The following DCLK1 variants were observed in gnomAD, a reference collection of about 807,000 sequenced individuals.
DCLK1 encodes the protein serine/threonine-protein kinase DCLK1.
A neutral mutation model predicts 86.2 loss-of-function variants in DCLK1; 16 were observed. That is an observed-to-expected ratio of 0.19 (90% CI 0.13 to 0.28). The LOEUF is 0.28. DCLK1 is among the 10% of genes least tolerant of loss of function. The pLI, the probability that DCLK1 is intolerant of heterozygous loss-of-function variation, is 1.00. For missense variants in DCLK1, 590 were observed against 940.2 expected, an observed-to-expected ratio of 0.63 and a Z score of 4.87; for synonymous variants, 369 against 370.5, an observed-to-expected ratio of 1.00 and a Z score of 0.05.
At chr13:36,077,098 C>T (rs1010137937) in intron 3 of DCLK1, among the ~76,000 whole-genome samples, 1 of 152,106 alleles carries the variant, frequency 6.6e-6, no homozygotes, top group Non-Finnish European at 1.5e-5. Context: ...ATCAATACCT[C>T]CCCAAGCACT....
chr13:35,827,592 C>T (rs41292215), intron 10 of DCLK1, 43 bp downstream of exon 10: 16,731 of 1,609,032 alleles, frequency 0.01, 121 homozygotes, highest in Admixed American at 0.015. Context: ...TAGGCAAGTG[C>T]GGTGCCATCA....
At chr13:35,865,812 T>C (rs1395438088) in intron 5 of DCLK1, among the ~76,000 whole-genome samples, 3 of 152,214 alleles carry the variant, frequency 2.0e-5, no homozygotes, top group African/African-American at 7.2e-5. Context: ...ATTCTTGTTC[T>C]AATGCTGACT....
intron 4 of DCLK1, among the ~76,000 whole-genome samples, chr13:35,924,404 C>T (rs1593737403): frequency 6.6e-6 from 1 of 152,200 alleles, no homozygotes; most frequent in South Asian, 2.1e-4. Context: ...AATCCCAGCA[C>T]TTTCGGAGGC....
At chr13:35,810,574 G>A (rs2087121575) in intron 12 of DCLK1, among the ~76,000 whole-genome samples, 2 of 152,146 alleles carry the variant, frequency 1.3e-5, no homozygotes, top group South Asian at 4.1e-4. Context: ...TTTTTACTCT[G>A]GGGTTAATAA....
intron 4 of DCLK1, among the ~76,000 whole-genome samples, chr13:35,889,844 T>C (rs1873527928): frequency 6.6e-6 from 1 of 152,178 alleles, no homozygotes; most frequent in Non-Finnish European, 1.5e-5. Context: ...CAGACTATCA[T>C]AGCCATGTAA....
chr13:36,006,672 C>T (rs1166601237), intron 3 of DCLK1, among the ~76,000 whole-genome samples: 1 of 152,168 alleles, frequency 6.6e-6, no homozygotes, highest in Non-Finnish European at 1.5e-5. Flanking sequence ...GTCTGAGAAA[C>T]TGATTCGCAA....
At chr13:35,803,727 C>G (rs1258090873) in intron 15 of DCLK1, among the ~76,000 whole-genome samples, 1 of 152,046 alleles carries the variant, frequency 6.6e-6, no homozygotes, top group Non-Finnish European at 1.5e-5. Flanking sequence ...GAAAACAAAA[C>G]AAAACAAATC....
chr13:35,953,608 AC>A (rs773310055), intron 3 of DCLK1, among the ~76,000 whole-genome samples: 5 of 152,174 alleles, frequency 3.3e-5, no homozygotes, highest in Non-Finnish European at 5.9e-5. Flanking sequence ...AGGAAACAAA[AC>A]GCTACAGACA....
intron 3 of DCLK1, among the ~76,000 whole-genome samples, chr13:36,059,332 T>C (rs899867107): frequency 6.6e-6 from 1 of 152,174 alleles, no homozygotes. Context: ...CATAGTAATA[T>C]AAACACACAC....
intron 4 of DCLK1, among the ~76,000 whole-genome samples, chr13:35,910,494 T>C (rs2153124569): frequency 6.6e-6 from 1 of 152,384 alleles, no homozygotes; most frequent in Non-Finnish European, 1.5e-5. Flanking sequence ...TGAATATTTC[T>C]TTCCCTTTTT....
At chr13:36,073,049 G>A (rs746025547) in intron 3 of DCLK1, among the ~76,000 whole-genome samples, 1 of 152,118 alleles carries the variant, frequency 6.6e-6, no homozygotes, top group Non-Finnish European at 1.5e-5. Context: ...ATTCTCTACT[G>A]TACCACTTAC....
At chr13:36,117,174 A>G (rs1237707382) in intron 2 of DCLK1, among the ~76,000 whole-genome samples, 1 of 151,770 alleles carries the variant, frequency 6.6e-6, no homozygotes, top group Non-Finnish European at 1.5e-5. Flanking sequence ...GAAAAAAAAA[A>G]TGAGAGATCT....
intron 3 of DCLK1, among the ~76,000 whole-genome samples, chr13:36,077,879 C>T (rs2153162949): frequency 6.6e-6 from 1 of 152,324 alleles, no homozygotes; most frequent in Middle Eastern, 3.4e-3. Flanking sequence ...TGTGCAATGT[C>T]ATGAACATTA....
intron 5 of DCLK1, among the ~76,000 whole-genome samples, chr13:35,863,963 G>A (rs1031549201): frequency 6.6e-6 from 1 of 152,204 alleles, no homozygotes; most frequent in Non-Finnish European, 1.5e-5. Context: ...AAGGCTGGGT[G>A]TTCAGAATGG....
At chr13:35,979,995 T>G (rs1879553152) in intron 3 of DCLK1, among the ~76,000 whole-genome samples, 1 of 152,258 alleles carries the variant, frequency 6.6e-6, no homozygotes, top group Non-Finnish European at 1.5e-5. Flanking sequence ...TTTTATTTTT[T>G]GTTTCCATAG....
At chr13:35,836,880 T>C (rs1026101950) in intron 7 of DCLK1, among the ~76,000 whole-genome samples, 14 of 152,180 alleles carry the variant, frequency 9.2e-5, no homozygotes, top group Admixed American at 1.3e-4. Context: ...TCTAAGGCCA[T>C]AAAACTAAAT....
At chr13:35,936,488 T>C (rs1876755227) in intron 4 of DCLK1, among the ~76,000 whole-genome samples, 1 of 152,218 alleles carries the variant, frequency 6.6e-6, no homozygotes, top group Admixed American at 6.5e-5. Context: ...AGAAAGCAGA[T>C]CTATGAGAAG....
intron 4 of DCLK1, among the ~76,000 whole-genome samples, chr13:35,900,243 T>TC (rs1491536294): frequency 1.5e-4 from 2 of 13,046 alleles, no homozygotes. Flanking sequence ...CTAAATAAAC[T>TC]TTTTTTTTTT....
Position 35,849,163 on chromosome 13 carries a change from C to T in DCLK1, c.1035+5336G>A, listed in dbSNP as rs556320709. On this transcript the variant is annotated intron_variant, in intron 6 of 16. Coordinates refer to ENST00000360631, the MANE Select transcript of DCLK1 (RefSeq NM_001330071.2). ...ATTGCCTGGACGTTTTTTCTTCTTCCTCTTCTTTTGGTTGGAATATTTTAT... is the reference window on the plus strand; with the variant it reads ...ATTGCCTGGACGTTTTTTCTTCTTCTTCTTCTTTTGGTTGGAATATTTTAT... The T allele has an allele frequency of 3.0e-6, 3 of 985,146 alleles. No homozygotes were observed. The Admixed American group carries it at 1.8e-4, about 61-fold the overall frequency. 61.0% of individuals were successfully genotyped at this position (985,146 alleles called of 1,614,324 possible). A position where few individuals can be genotyped will look rare whatever the true frequency, so the allele number is the denominator to read the frequency against.
Sources: gnomAD v4.1 joint callset for allele counts (sites outside exome capture counted in the v4.1 genomes callset) on GRCh38, gnomAD v4.1.1 for gene constraint, MANE v1.5 for transcripts, NCBI Gene and HGNC (gene_info 2026-07-23, HGNC 2026-07-21) for gene names.